The following CFAP299 variants were observed in gnomAD, a reference collection of about 807,000 sequenced individuals.
CFAP299 encodes the protein cilia and flagella associated protein 299, also known as cilia- and flagella-associated protein 299.
CFAP299 carries 21 observed loss-of-function variants against 27.0 expected under a neutral mutation model. The ratio of observed to expected loss-of-function variants is 0.78; its 90% CI spans 0.55 to 1.12. The LOEUF (loss-of-function observed/expected upper bound fraction) is 1.12, where lower values mean the gene tolerates loss of function less well. CFAP299 is among the 50% of genes most tolerant of loss of function. The pLI, the probability that CFAP299 is intolerant of heterozygous loss-of-function variation, is 0.00. For synonymous variants in CFAP299, 104 were observed against 98.1 expected (o/e 1.06, Z -0.36); for missense variants, 310 against 276.6 (o/e 1.12, Z -0.86).
At chr4:80,849,849 A>C (rs1731412243) in intron 3 of CFAP299, among the ~76,000 whole-genome samples, 1 of 152,140 alleles carries the variant, frequency 6.6e-6, no homozygotes, top group African/African-American at 2.4e-5. Flanking sequence ...TGTATATTTT[A>C]AAATAGGTAG....
At chr4:80,354,819 A>G (rs1180028830) in intron 1 of CFAP299, among the ~76,000 whole-genome samples, 1 of 152,142 alleles carries the variant, frequency 6.6e-6, no homozygotes, top group Admixed American at 6.5e-5. Flanking sequence ...AATGGTCTCC[A>G]GCTCCATCCA....
At chr4:80,684,023 T>C (rs1412125181) in intron 3 of CFAP299, among the ~76,000 whole-genome samples, 1 of 152,194 alleles carries the variant, frequency 6.6e-6, no homozygotes, top group Non-Finnish European at 1.5e-5. Flanking sequence ...ATATTTAAAA[T>C]TGTACTTTCT....
chr4:80,842,599 T>C (rs1450905933), intron 3 of CFAP299, among the ~76,000 whole-genome samples: 2 of 152,122 alleles, frequency 1.3e-5, no homozygotes, highest in African/African-American at 4.8e-5. Flanking sequence ...TGATCACTAG[T>C]AAATGTTATA....
intron 2 of CFAP299, among the ~76,000 whole-genome samples, chr4:80,407,071 A>G (rs1384228452): frequency 1.3e-5 from 2 of 152,266 alleles, no homozygotes; most frequent in African/African-American, 2.4e-5. Context: ...ATAGTAGTCA[A>G]TGAGGTTAAA....
At chr4:80,492,385 G>C (rs142635142) in intron 2 of CFAP299, among the ~76,000 whole-genome samples, 127 of 152,248 alleles carry the variant, frequency 8.3e-4, no homozygotes, top group South Asian at 1.7e-3. Flanking sequence ...CTTTGTCAAT[G>C]CACTGTCAGA....
intron 2 of CFAP299, among the ~76,000 whole-genome samples, chr4:80,473,717 T>G (rs566879643): frequency 1.3e-5 from 2 of 152,234 alleles, no homozygotes; most frequent in Admixed American, 6.5e-5. Flanking sequence ...ACTGCAGGCA[T>G]GCACCACCAC....
intron 3 of CFAP299, among the ~76,000 whole-genome samples, chr4:80,626,415 G>A (rs1934376256): frequency 6.6e-6 from 1 of 151,752 alleles, no homozygotes; most frequent in Non-Finnish European, 1.5e-5. Flanking sequence ...GCTGTAAACA[G>A]TGACATTACA....
At chr4:80,775,815 T>A (rs1726503935) in intron 3 of CFAP299, among the ~76,000 whole-genome samples, 1 of 152,122 alleles carries the variant, frequency 6.6e-6, no homozygotes, top group Non-Finnish European at 1.5e-5. Flanking sequence ...GAGAAAGACA[T>A]GAGTCTTTGT....
chr4:80,780,505 A>C (rs1726808941), intron 3 of CFAP299, among the ~76,000 whole-genome samples: 2 of 152,118 alleles, frequency 1.3e-5, no homozygotes, highest in African/African-American at 2.4e-5. Context: ...TCACAGCATA[A>C]GGTATAGAAA....
intron 3 of CFAP299, among the ~76,000 whole-genome samples, chr4:80,851,339 TA>T (rs1198694867): frequency 6.6e-6 from 1 of 152,182 alleles, no homozygotes; most frequent in Admixed American, 6.6e-5. Context: ...CAGTTCTTTG[TA>T]AAACTTCCAT....
chr4:80,371,799 ACAAT>A (rs1334536571), intron 2 of CFAP299, among the ~76,000 whole-genome samples: 12 of 152,294 alleles, frequency 7.9e-5, no homozygotes, highest in African/African-American at 2.6e-4. Flanking sequence ...CATTTTGGTT[ACAAT>A]CATTCAACAA....
At chr4:80,480,691 G>GTT (rs936929298) in intron 2 of CFAP299, among the ~76,000 whole-genome samples, 3 of 151,874 alleles carry the variant, frequency 2.0e-5, no homozygotes, top group Non-Finnish European at 4.4e-5. Context: ...TGGATAAACT[G>GTT]TTTCAAAAGA....
At chr4:80,811,882 C>A (rs899393658) in intron 3 of CFAP299, among the ~76,000 whole-genome samples, 1 of 151,674 alleles carries the variant, frequency 6.6e-6, no homozygotes, top group Non-Finnish European at 1.5e-5. Flanking sequence ...AGGAACTAAA[C>A]AAGTCTGGAA....
intron 2 of CFAP299, among the ~76,000 whole-genome samples, chr4:80,438,764 C>T (rs1560567703): frequency 6.6e-6 from 1 of 152,108 alleles, no homozygotes; most frequent in Non-Finnish European, 1.5e-5. Flanking sequence ...GGTATTTTAA[C>T]TTGTATTGTA....
intron 3 of CFAP299, among the ~76,000 whole-genome samples, chr4:80,839,709 A>T (rs997321063): frequency 2.0e-5 from 3 of 152,132 alleles, no homozygotes; most frequent in Admixed American, 2.0e-4. Context: ...CACTGATAAG[A>T]ATTTGCAAGG....
At chr4:80,386,534 G>A in intron 2 of CFAP299, 1 of 1,589,760 alleles carries the variant, frequency 6.3e-7, no homozygotes, top group Non-Finnish European at 8.6e-7. Context: ...GTGCCGCCGG[G>A]TTTGCAGGTC....
At chr4:80,431,218 A>G (rs80322698) in intron 2 of CFAP299, among the ~76,000 whole-genome samples, 1 of 152,276 alleles carries the variant, frequency 6.6e-6, no homozygotes, top group African/African-American at 2.4e-5. Flanking sequence ...TGTTTTGTTC[A>G]GTAACTGGAA....
intron 3 of CFAP299, among the ~76,000 whole-genome samples, chr4:80,671,811 T>C (rs1741502951): frequency 6.6e-6 from 1 of 152,208 alleles, no homozygotes; most frequent in Non-Finnish European, 1.5e-5. Flanking sequence ...GTTTTTGGTG[T>C]ATAGGAATGC....
chr4:80,863,858 G>A (rs1420889293), intron 3 of CFAP299, among the ~76,000 whole-genome samples: 8 of 151,946 alleles, frequency 5.3e-5, no homozygotes, highest in Admixed American at 5.3e-4. Flanking sequence ...AATATATAAA[G>A]TATCGTTTTC....
Sources: allele counts gnomAD v4.1 joint callset (sites outside exome capture counted in the v4.1 genomes callset), GRCh38; gene constraint gnomAD v4.1.1; transcripts MANE v1.5; gene names NCBI Gene and HGNC (gene_info 2026-07-23, HGNC 2026-07-21).